The following ADAMTSL1 variants were observed in gnomAD, a reference collection of about 807,000 sequenced individuals.
The protein encoded by ADAMTSL1 is ADAMTS like 1.
A neutral mutation model predicts 201.8 loss-of-function variants in ADAMTSL1; 126 were observed. The observed-to-expected ratio is 0.62, with a 90% CI of 0.54 to 0.72. ADAMTSL1 has a LOEUF of 0.72. ADAMTSL1 is among the 30% of genes least tolerant of loss of function. ADAMTSL1 has a pLI of 0.00. For missense variants in ADAMTSL1, 2,679 were observed against 2,277.8 expected, an observed-to-expected ratio of 1.18 and a Z score of -3.59; for synonymous variants, 1,121 against 903.4, an observed-to-expected ratio of 1.24 and a Z score of -4.32.
intron 3 of ADAMTSL1, among the ~76,000 whole-genome samples, chr9:18,537,723 C>A (rs767387510): frequency 2.0e-5 from 3 of 151,352 alleles, no homozygotes; most frequent in African/African-American, 4.9e-5. Context: ...AAAACAAAAA[C>A]CAAATATTAG....
At chr9:18,114,953 G>A (rs1047294813) in intron 1 of ADAMTSL1, among the ~76,000 whole-genome samples, 3 of 152,162 alleles carry the variant, frequency 2.0e-5, no homozygotes, top group Non-Finnish European at 4.4e-5. Context: ...GACTTTCTCC[G>A]TAAGGGACTT....
intron 2 of ADAMTSL1, among the ~76,000 whole-genome samples, chr9:18,531,814 T>C (rs765086248): frequency 6.6e-6 from 1 of 152,128 alleles, no homozygotes; most frequent in Non-Finnish European, 1.5e-5. Flanking sequence ...AAAAAGTAAA[T>C]TAGGAGGCAT....
intron 1 of ADAMTSL1, among the ~76,000 whole-genome samples, chr9:18,067,088 GTAAC>G (rs1382992680): frequency 6.6e-6 from 1 of 152,040 alleles, no homozygotes; most frequent in Non-Finnish European, 1.5e-5. Context: ...GTACACATAT[GTAAC>G]TAACCTGCAC....
chr9:18,501,904 T>C (rs1032801074), intron 1 of ADAMTSL1, among the ~76,000 whole-genome samples: 1 of 152,354 alleles, frequency 6.6e-6, no homozygotes, highest in Non-Finnish European at 1.5e-5. Context: ...TAATATGTGA[T>C]GAGATAAGAT....
chr9:18,598,281 G>A (rs1359503366), intron 4 of ADAMTSL1, among the ~76,000 whole-genome samples: 2 of 152,114 alleles, frequency 1.3e-5, no homozygotes, highest in Non-Finnish European at 2.9e-5. Flanking sequence ...CATCAGGGCA[G>A]GATGTGACTT....
At chr9:18,707,099 C>G (rs1832277492) in intron 14 of ADAMTSL1, 51 bp downstream of exon 14, 1 of 1,573,214 alleles carries the variant, frequency 6.4e-7, no homozygotes, top group Non-Finnish European at 8.6e-7. Context: ...TGCTCATTTT[C>G]TCTCTCTGCA....
At chr9:18,081,487 A>G (rs1340246741) in intron 1 of ADAMTSL1, among the ~76,000 whole-genome samples, 1 of 152,186 alleles carries the variant, frequency 6.6e-6, no homozygotes, top group Non-Finnish European at 1.5e-5. Context: ...CAGTAGTCCT[A>G]TTAAACATTT....
intron 7 of ADAMTSL1, among the ~76,000 whole-genome samples, chr9:18,646,967 C>G (rs1418896140): frequency 6.6e-6 from 1 of 152,110 alleles, no homozygotes; most frequent in African/African-American, 2.4e-5. Context: ...AGGAATGGTA[C>G]CAGTTCCTCC....
intron 2 of ADAMTSL1, among the ~76,000 whole-genome samples, chr9:18,330,661 C>T (rs1301106543): frequency 2.0e-5 from 3 of 152,128 alleles, no homozygotes; most frequent in Non-Finnish European, 4.4e-5. Flanking sequence ...CCCAAATTCA[C>T]AGAGTAGAAA....
chr9:18,045,409 G>C (rs1295917327), intron 1 of ADAMTSL1, among the ~76,000 whole-genome samples: 1 of 152,142 alleles, frequency 6.6e-6, no homozygotes, highest in Non-Finnish European at 1.5e-5. Context: ...CACAAAGAAA[G>C]TGATTTTGCC....
At chr9:18,142,398 G>A (rs1826440176) in intron 1 of ADAMTSL1, among the ~76,000 whole-genome samples, 1 of 152,180 alleles carries the variant, frequency 6.6e-6, no homozygotes, top group Non-Finnish European at 1.5e-5. Flanking sequence ...ATTAAGACCG[G>A]CTCTTCTTTT....
At chr9:18,827,618 A>C (rs1824664421) in intron 22 of ADAMTSL1, among the ~76,000 whole-genome samples, 2 of 152,184 alleles carry the variant, frequency 1.3e-5, no homozygotes, top group South Asian at 4.1e-4. Flanking sequence ...ACACTGAGTT[A>C]CGGTGCTTAC....
chr9:17,960,414 A>G (rs1398928083), intron 1 of ADAMTSL1, among the ~76,000 whole-genome samples: 1 of 152,208 alleles, frequency 6.6e-6, no homozygotes, highest in Non-Finnish European at 1.5e-5. Context: ...GAAGGAGAGA[A>G]AGAATACAAG....
chr9:17,933,686 C>G (rs1826891524), intron 1 of ADAMTSL1, among the ~76,000 whole-genome samples: 1 of 152,108 alleles, frequency 6.6e-6, no homozygotes, highest in Non-Finnish European at 1.5e-5. Flanking sequence ...AGAAAGCGGG[C>G]TCATCTTACA....
At chr9:18,022,916 C>G (rs1820537919) in intron 1 of ADAMTSL1, among the ~76,000 whole-genome samples, 1 of 152,068 alleles carries the variant, frequency 6.6e-6, no homozygotes, top group Non-Finnish European at 1.5e-5. Context: ...ATCAAGATCA[C>G]CAGCTCACTG....
At chr9:18,851,679 C>G (rs1023836165) in intron 23 of ADAMTSL1, among the ~76,000 whole-genome samples, 1 of 152,186 alleles carries the variant, frequency 6.6e-6, no homozygotes, top group African/African-American at 2.4e-5. Flanking sequence ...TCTTCTGATT[C>G]TTCCCTTGGG....
At chr9:18,633,956 G>A (rs1826944021) in intron 5 of ADAMTSL1, among the ~76,000 whole-genome samples, 2 of 152,076 alleles carry the variant, frequency 1.3e-5, no homozygotes, top group Admixed American at 6.6e-5. Flanking sequence ...ATTTGGGGTA[G>A]AGAGAGGAAA....
At position 18,462,386 on chromosome 9, in the gene ADAMTSL1, A is replaced by G. The variant is rs75816077; in HGVS notation, c.208-42443A>G. On this transcript the variant is annotated intron_variant, in intron 2 of 29. Coordinates refer to the ADAMTSL1 transcript ENST00000680146. The stretch of plus-strand genomic sequence containing the variant: ...TGAGCCCTATGCTACATACTGGGGT[A>G]CAGTGGTTAACAAAATGGAAATGGT... Among the ~76,000 whole-genome samples, 1,363 of 152,352 alleles carry G rather than the reference A, an allele frequency of 8.9e-3. 25 individuals are homozygous for G. The highest frequency in any genetic ancestry group is 0.031 in the African/African-American group (1,290 of 41,590).
rs55717414 is a variant in ADAMTSL1, at chr9:18,756,076, A to AATAT, written c.2217+2612_2217+2615dup. 6.0e-3 allele frequency among the ~76,000 whole-genome samples: 485 copies of AATAT among 80,534 alleles called. 12 individuals are homozygous for AATAT. The highest frequency in any genetic ancestry group is 7.7e-3 in the Non-Finnish European group (294 of 38,020). 52.8% of individuals were successfully genotyped at this position (80,534 alleles called of 152,430 possible). On this transcript the variant is annotated intron_variant, in intron 16 of 28. Transcript: ENST00000380548. Reference sequence around the variant, plus strand: ...ATGGTGAAACCCTGTCTCTACTGAAAATATATATATATATATATATATATA... The same window carrying AATAT: ...ATGGTGAAACCCTGTCTCTACTGAAAATATATATATATATATATATATATATATA...
Sources: allele counts gnomAD v4.1 joint callset (sites outside exome capture counted in the v4.1 genomes callset), GRCh38; gene constraint gnomAD v4.1.1; transcripts MANE v1.5; gene names NCBI Gene and HGNC (gene_info 2026-07-23, HGNC 2026-07-21).